Variants in FAM107A observed in about 807,000 individuals in gnomAD.
FAM107A encodes actin-associated protein FAM107A.
Under a neutral mutation model 13.7 loss-of-function variants are expected in FAM107A, and 19 were observed. That is an observed-to-expected ratio of 1.38 (90% CI 0.97 to 2.03). FAM107A has a LOEUF of 2.03. Among genes scored for constraint, FAM107A ranks in the 30% most tolerant of loss-of-function variants. The pLI, the probability that FAM107A is intolerant of heterozygous loss-of-function variation, is 0.00. For missense variants in FAM107A, 203 were observed against 184.4 expected (o/e 1.10, Z -0.58); for synonymous variants, 82 against 74.5 (o/e 1.10, Z -0.52).
chr3:58,615,007 T>C (rs886386610), intron 1 of FAM107A, among the ~76,000 whole-genome samples: 1 of 152,134 alleles, frequency 6.6e-6, no homozygotes, highest in African/African-American at 2.4e-5. Flanking sequence ...GGTTTCACTA[T>C]GTTGGCCAGG....
intron 1 of FAM107A, among the ~76,000 whole-genome samples, chr3:58,573,044 TA>T (rs11303735): frequency 0.88 from 133,991 of 151,590 alleles, 60,526 homozygotes; most frequent in East Asian, 1. Context: ...CTCCAGGCCT[TA>T]AAAAAAAAAT....
At chr3:58,593,099 C>G (rs2065667453) in intron 1 of FAM107A, among the ~76,000 whole-genome samples, 1 of 152,156 alleles carries the variant, frequency 6.6e-6, no homozygotes. Context: ...CCTGCAGGAC[C>G]CTCCCCATTG....
At chr3:58,574,863 A>G (rs1417612332) in intron 1 of FAM107A, among the ~76,000 whole-genome samples, 1 of 152,190 alleles carries the variant, frequency 6.6e-6, no homozygotes, top group Non-Finnish European at 1.5e-5. Context: ...GGCAAGGCTC[A>G]GCAGAGATCA....
chr3:58,576,738 A>C (rs2063733972), intron 1 of FAM107A, among the ~76,000 whole-genome samples: 1 of 152,234 alleles, frequency 6.6e-6, no homozygotes. Flanking sequence ...TGCGTGCACT[A>C]TGTGCCATGC....
rs965208754 is a variant in FAM107A, at chr3:58,613,469, C to T, written c.-70+13947G>A. On this transcript the variant is annotated intron_variant, in intron 1 of 3. Transcript: ENST00000465970. This position sits in a 1 kb window ranked among gnomAD's most constrained non-coding sequence, Gnocchi z 4.6. ...CCCCTGTGTCCTCTCTCTTACAGTA[C>T]TCACCCCTCATCCTGCCCTGCCCAG... Among the ~76,000 whole-genome samples, 1 of 152,150 alleles carries T rather than the reference C, an allele frequency of 6.6e-6. No homozygotes were observed. Among genetic ancestry groups the T allele is most frequent in the Non-Finnish European group, 1.5e-5 (1 of 68,042 alleles).
chr3:58,602,169 A>C (rs2065758212), intron 1 of FAM107A, among the ~76,000 whole-genome samples: 1 of 152,218 alleles, frequency 6.6e-6, no homozygotes, highest in Non-Finnish European at 1.5e-5. Context: ...GGACAAGGGC[A>C]GTTCTCAGCA....
chr3:58,567,293 T>C lies in FAM107A; in HGVS notation c.242A>G (p.Lys81Arg), dbSNP rs1427869465. The stretch of plus-strand genomic sequence containing the variant: ...GGCTTCCAGCTCCTCCTTCTTCTTC[T>C]TGATGAGCTGGTTCCGCCGGCGGTG... ...LEHRRRNQLI[K>R]KKKEELEAKR... The change falls in exon 3 of 4, where the codon AAG becomes AGG. Residue 81 changes from lysine (K) to arginine (R), a missense_variant. By Grantham distance (26) the Lys-to-Arg change is conservative (BLOSUM62 2). Coordinates refer to ENST00000360997, the MANE Select transcript of FAM107A (RefSeq NM_001076778.3). 1.2e-6 allele frequency: 2 copies of C among 1,613,590 alleles called. No homozygotes were observed. The highest frequency in any genetic ancestry group is 1.3e-5 in the African/African-American group (1 of 74,916).
chr3:58,626,367 G>T (rs950088159), intron 1 of FAM107A, among the ~76,000 whole-genome samples: 5 of 152,212 alleles, frequency 3.3e-5, no homozygotes, highest in African/African-American at 1.2e-4. Context: ...ACCCCCAGCT[G>T]AGAGCTCAGG....
intron 1 of FAM107A, among the ~76,000 whole-genome samples, chr3:58,611,149 C>T (rs749803825): frequency 6.6e-6 from 1 of 152,326 alleles, no homozygotes; most frequent in Non-Finnish European, 1.5e-5. Flanking sequence ...CCTGAGGCCT[C>T]CCCAGCCATA....
chr3:58,624,439 C>T (rs1410139110), intron 1 of FAM107A, among the ~76,000 whole-genome samples: 1 of 149,020 alleles, frequency 6.7e-6, no homozygotes, highest in South Asian at 2.2e-4. Flanking sequence ...CTATCTGTCA[C>T]ACCCTCGACC....
chr3:58,601,630 C>T (rs1432705635), intron 1 of FAM107A, among the ~76,000 whole-genome samples: 4 of 152,186 alleles, frequency 2.6e-5, no homozygotes, highest in Admixed American at 2.6e-4. Flanking sequence ...TGTACATGGG[C>T]AAGCGCACCC....
At chr3:58,573,759 C>G (rs1433632452) in intron 1 of FAM107A, 1 of 152,362 alleles carries the variant, frequency 6.6e-6, no homozygotes, top group African/African-American at 2.4e-5. Flanking sequence ...CAGCTCTGTC[C>G]ATGCCTCCCT....
At chr3:58,584,006 A>G (rs1319062420) in intron 1 of FAM107A, among the ~76,000 whole-genome samples, 1 of 152,138 alleles carries the variant, frequency 6.6e-6, no homozygotes, top group Non-Finnish European at 1.5e-5. Flanking sequence ...CTGAATCTGT[A>G]ATGTCCTCCT....
intron 1 of FAM107A, among the ~76,000 whole-genome samples, chr3:58,624,555 T>C (rs1462355118): frequency 6.6e-6 from 1 of 152,174 alleles, no homozygotes; most frequent in Non-Finnish European, 1.5e-5. Flanking sequence ...CTCCCTTCCA[T>C]TGAGTAACAG....
intron 1 of FAM107A, among the ~76,000 whole-genome samples, chr3:58,583,918 G>C (rs1233706774): frequency 6.6e-6 from 1 of 152,174 alleles, no homozygotes; most frequent in Non-Finnish European, 1.5e-5. Flanking sequence ...CCGGCCTCAA[G>C]GCATGAGTCA....
intron 1 of FAM107A, among the ~76,000 whole-genome samples, chr3:58,583,779 C>A (rs1424609931): frequency 6.6e-6 from 1 of 151,974 alleles, no homozygotes; most frequent in Non-Finnish European, 1.5e-5. Flanking sequence ...TCTCTGGGCT[C>A]AAGTGATCCT....
intron 1 of FAM107A, among the ~76,000 whole-genome samples, chr3:58,623,910 C>T (rs960670013): frequency 2.0e-5 from 3 of 152,198 alleles, no homozygotes; most frequent in Non-Finnish European, 4.4e-5. Flanking sequence ...GGTGGCATTA[C>T]GGTCACAGCC....
At chr3:58,595,214 C>T (rs1481412805) in intron 1 of FAM107A, among the ~76,000 whole-genome samples, 5 of 152,218 alleles carry the variant, frequency 3.3e-5, no homozygotes, top group South Asian at 2.1e-4. Flanking sequence ...TTCACCGCCC[C>T]AACCCTTCAC....
intron 1 of FAM107A, chr3:58,586,799 G>A: frequency 1.5e-5 from 22 of 1,478,322 alleles, no homozygotes; most frequent in Non-Finnish European, 1.8e-5. Context: ...TGAGCGCCGT[G>A]CACCACAGAG....
Sources: allele counts gnomAD v4.1 joint callset (sites outside exome capture counted in the v4.1 genomes callset), GRCh38; gene constraint gnomAD v4.1.1; non-coding constraint Gnocchi (gnomAD v3.1); transcripts MANE v1.5; gene names NCBI Gene and HGNC (gene_info 2026-07-23, HGNC 2026-07-21).